Variants in TMEM232 observed in about 807,000 individuals in gnomAD.
TMEM232 encodes transmembrane protein 232.
A neutral mutation model predicts 78.8 loss-of-function variants in TMEM232; 80 were observed. That is an observed-to-expected ratio of 1.01 (90% confidence interval 0.85 to 1.22). The LOEUF is 1.22. TMEM232 is among the 50% of genes most tolerant of loss of function. TMEM232 has a pLI of 0.00. For synonymous variants in TMEM232, 297 were observed against 254.3 expected (o/e 1.17, Z -1.60); for missense variants, 881 against 742.2 (o/e 1.19, Z -2.17).
chr5:110,484,750 A>G (rs903380237), intron 12 of TMEM232, among the ~76,000 whole-genome samples: 2 of 152,130 alleles, frequency 1.3e-5, no homozygotes, highest in African/African-American at 2.4e-5. Flanking sequence ...ACTCGTCAAT[A>G]TAACAGCAAG....
chr5:110,529,781 T>A (rs73783608), intron 11 of TMEM232, among the ~76,000 whole-genome samples: 6,155 of 152,240 alleles, frequency 0.04, 201 homozygotes, highest in African/African-American at 0.086. Flanking sequence ...TTGCTTCTTC[T>A]TTACTTCTTT....
intron 1 of TMEM232, among the ~76,000 whole-genome samples, chr5:110,698,115 G>A (rs1022119288): frequency 2.6e-5 from 4 of 152,030 alleles, no homozygotes; most frequent in African/African-American, 9.7e-5. Flanking sequence ...CCATAAAAAA[G>A]GATGAGTTCA....
At chr5:110,499,696 A>G (rs1766032226) in intron 12 of TMEM232, among the ~76,000 whole-genome samples, 1 of 151,574 alleles carries the variant, frequency 6.6e-6, no homozygotes, top group Non-Finnish European at 1.5e-5. Context: ...GGAAATATTA[A>G]TATCAGACCA....
chr5:110,421,445 CT>C (rs1257153022), intron 13 of TMEM232, among the ~76,000 whole-genome samples: 3 of 151,438 alleles, frequency 2.0e-5, no homozygotes, highest in South Asian at 2.1e-4. Context: ...TTAGGAGGAA[CT>C]TTTTTTCTCT....
intron 8 of TMEM232, 68 bp downstream of exon 8, chr5:110,618,360 AG>A (rs1334680303): frequency 1.1e-5 from 17 of 1,524,492 alleles, no homozygotes; most frequent in Admixed American, 2.2e-5. Context: ...TTTAGGTACA[AG>A]GGTTATTTAA....
At chr5:110,409,665 C>A (rs1452095445) in intron 2 of TMEM232, among the ~76,000 whole-genome samples, 2 of 152,178 alleles carry the variant, frequency 1.3e-5, no homozygotes, top group South Asian at 4.1e-4. Context: ...CCTGTTCCCC[C>A]ATCTGTTGAG....
chr5:110,638,227 AAT>A lies in TMEM232; in HGVS notation c.470_471del (p.Tyr157PhefsTer5). ...RLCCDASLKT[Y>X]LYSVEIKLAK... ...GCTAGCTTTATTTCAACTGAATATA[AAT>A]ATGTTTTGAGGGATGCATCACAACA... On this transcript the variant is annotated frameshift_variant, in exon 5 of 14. Transcript: ENST00000455884. LOFTEE classifies it high-confidence loss of function. The A allele has an allele frequency of 6.5e-7, 1 of 1,546,008 alleles. No homozygotes were observed. Among genetic ancestry groups the A allele is most frequent in the Non-Finnish European group, 8.7e-7 (1 of 1,145,102 alleles).
chr5:110,674,338 A>G (rs1580615003), intron 1 of TMEM232, among the ~76,000 whole-genome samples: 1 of 152,208 alleles, frequency 6.6e-6, no homozygotes, highest in Non-Finnish European at 1.5e-5. Flanking sequence ...GAATCATATA[A>G]AATTATGAAG....
intron 1 of TMEM232, among the ~76,000 whole-genome samples, chr5:110,708,747 G>A (rs993369162): frequency 2.6e-5 from 4 of 151,874 alleles, no homozygotes; most frequent in Admixed American, 6.6e-5. Flanking sequence ...AAAATAAAAA[G>A]CAAGAAATTA....
intron 1 of TMEM232, among the ~76,000 whole-genome samples, chr5:110,670,196 C>G (rs1421709336): frequency 6.6e-6 from 1 of 152,166 alleles, no homozygotes; most frequent in Non-Finnish European, 1.5e-5. Context: ...CAAATTGTCC[C>G]TGTTTGCAGA....
At chr5:110,492,246 CATA>C (rs1165139440) in intron 12 of TMEM232, among the ~76,000 whole-genome samples, 3 of 151,444 alleles carry the variant, frequency 2.0e-5, no homozygotes, top group Non-Finnish European at 4.4e-5. Flanking sequence ...AATAAAAGCA[CATA>C]ATATTATTAA....
intron 1 of TMEM232, among the ~76,000 whole-genome samples, chr5:110,700,063 C>T (rs780125103): frequency 3.9e-5 from 6 of 151,958 alleles, no homozygotes; most frequent in Non-Finnish European, 7.4e-5. Flanking sequence ...CTAGAAAAAT[C>T]CACTAAGCAA....
intron 11 of TMEM232, among the ~76,000 whole-genome samples, chr5:110,551,654 C>A (rs1167424515): frequency 6.6e-6 from 1 of 152,114 alleles, no homozygotes; most frequent in East Asian, 1.9e-4. Context: ...TATTCACATA[C>A]CCTGCAAATG....
At chr5:110,616,288 T>G (rs1195675626) in intron 8 of TMEM232, among the ~76,000 whole-genome samples, 1 of 152,076 alleles carries the variant, frequency 6.6e-6, no homozygotes, top group Non-Finnish European at 1.5e-5. Flanking sequence ...AATTCATTTT[T>G]GACAGTTACC....
At chr5:110,619,069 T>C (rs1177696552) in intron 7 of TMEM232, among the ~76,000 whole-genome samples, 1 of 152,206 alleles carries the variant, frequency 6.6e-6, no homozygotes, top group Non-Finnish European at 1.5e-5. Flanking sequence ...AGCTGTTGTT[T>C]AGTTTTTCCT....
At chr5:110,568,201 A>G (rs10035794) in intron 11 of TMEM232, among the ~76,000 whole-genome samples, 2,697 of 152,018 alleles carry the variant, frequency 0.018, 94 homozygotes, top group African/African-American at 0.063. Flanking sequence ...ACTTTTCCCT[A>G]GATGTGTTAA....
intron 12 of TMEM232, among the ~76,000 whole-genome samples, chr5:110,446,980 C>A (rs543732090): frequency 1.1e-4 from 17 of 151,904 alleles, no homozygotes; most frequent in African/African-American, 3.9e-4. Context: ...TGAGGACCCT[C>A]GTACTCTTTA....
At chr5:110,470,188 C>T (rs1159437320) in intron 12 of TMEM232, among the ~76,000 whole-genome samples, 2 of 152,040 alleles carry the variant, frequency 1.3e-5, no homozygotes, top group East Asian at 3.9e-4. Context: ...GCTCCCTGGA[C>T]CCAAACATCT....
chr5:110,476,464 G>A (rs1387103045), intron 12 of TMEM232, among the ~76,000 whole-genome samples: 1 of 151,938 alleles, frequency 6.6e-6, no homozygotes, highest in African/African-American at 2.4e-5. Flanking sequence ...CTGGAACCAT[G>A]AGTAAATAAA....
Sources: gnomAD v4.1 joint callset for allele counts (sites outside exome capture counted in the v4.1 genomes callset) on GRCh38, gnomAD v4.1.1 for gene constraint, MANE v1.5 for transcripts, NCBI Gene and HGNC (gene_info 2026-07-23, HGNC 2026-07-21) for gene names.